Variants in CD109 observed in about 807,000 individuals in gnomAD.
CD109 encodes CD109 antigen.
CD109 carries 149 observed loss-of-function variants against 165.8 expected under a neutral mutation model. The observed-to-expected ratio is 0.90, with a 90% CI of 0.79 to 1.03. The LOEUF is 1.03. CD109 is among the 50% of genes least tolerant of loss of function. The pLI, the probability that CD109 is intolerant of heterozygous loss-of-function variation, is 0.00. For missense variants in CD109, 1,712 were observed against 1,677.8 expected (o/e 1.02, Z -0.36); for synonymous variants, 585 against 592.1 (o/e 0.99, Z 0.18).
chr6:73,741,087 A>G (rs776415868), intron 5 of CD109, among the ~76,000 whole-genome samples: 1 of 151,872 alleles, frequency 6.6e-6, no homozygotes, highest in African/African-American at 2.4e-5. Context: ...TAAGTTCTCA[A>G]TATATACATA....
At chr6:73,812,933 A>G (rs1226040610) in intron 29 of CD109, among the ~76,000 whole-genome samples, 1 of 152,138 alleles carries the variant, frequency 6.6e-6, no homozygotes, top group East Asian at 1.9e-4. Context: ...CGACCAAACA[A>G]AAACACTGAA....
At chr6:73,688,550 G>T in the CD109 span, among the ~76,000 whole-genome samples, 783 of 152,202 alleles carry the variant, frequency 5.1e-3, 8 homozygotes, top group African/African-American at 0.018. Flanking sequence ...CGATGAGAGA[G>T]TCTTTTGTAC....
chr6:73,744,847 G>A (rs1292489448), intron 5 of CD109, among the ~76,000 whole-genome samples: 2 of 152,174 alleles, frequency 1.3e-5, no homozygotes, highest in Non-Finnish European at 2.9e-5. Flanking sequence ...TTAGGATGTT[G>A]TGTTCATCAA....
intron 5 of CD109, among the ~76,000 whole-genome samples, chr6:73,754,444 G>A (rs1321693491): frequency 6.6e-6 from 1 of 152,178 alleles, no homozygotes; most frequent in Non-Finnish European, 1.5e-5. Flanking sequence ...ACGGTCAATG[G>A]AAAGATGGAA....
intron 6 of CD109, 63 bp from the exon 7 acceptor site, chr6:73,758,881 G>T: frequency 1.2e-5 from 10 of 850,542 alleles, no homozygotes; most frequent in Non-Finnish European, 2.0e-5. Flanking sequence ...TTCTTTAAAA[G>T]ATTTACCCTT....
At position 73,807,038 on chromosome 6, in the gene CD109, T is replaced by C; in HGVS notation, c.3155T>C (p.Ile1052Thr). ...AGTCCAGTAACACTTACAGCCTATA[T>C]TGTAACTTCTCTCCTGGGATATAGA... ...NKSPVTLTAY[I>T]VTSLLGYRKY... The change falls in exon 25 of 33, where the codon ATT becomes ACT. Residue 1052 changes from isoleucine (I) to threonine (T), a missense_variant. Coordinates refer to ENST00000287097, the MANE Select transcript of CD109 (RefSeq NM_133493.5). 1 of 1,613,470 alleles carries C rather than the reference T, an allele frequency of 6.2e-7. No homozygotes were observed. Among genetic ancestry groups the C allele is most frequent in the South Asian group, 1.1e-5 (1 of 91,050 alleles).
chr6:73,781,515 C>G (rs1258953119), intron 17 of CD109, among the ~76,000 whole-genome samples, 196 bp downstream of exon 17: 1 of 152,102 alleles, frequency 6.6e-6, no homozygotes, highest in Non-Finnish European at 1.5e-5. Context: ...ATCTGAGCTC[C>G]TGTCTAGATA....
At position 73,785,476 on chromosome 6, in the gene CD109, A is replaced by T. The variant is rs761995046; in HGVS notation, c.2336A>T (p.Glu779Val). The change falls in exon 20 of 33, where the codon GAG (glutamate) becomes GTG (valine). Residue 779 changes from glutamate (E) to valine (V), a missense_variant and splice_region_variant. Transcript: ENST00000287097. Reference protein sequence around the residue: ...TIFNYLKDATEVKVIIEKSDK... With the variant: ...TIFNYLKDATVVKVIIEKSDK... ...TTCAATTATTTGAAAGATGCCACTGAGGTAATGTATTCAAGCTTTTGTTGA... is the reference window on the plus strand; with the variant it reads ...TTCAATTATTTGAAAGATGCCACTGTGGTAATGTATTCAAGCTTTTGTTGA... The T allele has an allele frequency of 1.3e-6, 2 of 1,494,332 alleles. No individual in the cohort carries two copies. The highest frequency in any genetic ancestry group is 1.2e-5 in the South Asian group (1 of 85,996). 92.6% of individuals were successfully genotyped at this position (1,494,332 alleles called of 1,614,324 possible).
intron 20 of CD109, 42 bp from the exon 21 acceptor site, chr6:73,787,192 G>A (rs1774728514): frequency 7.7e-7 from 1 of 1,293,872 alleles, no homozygotes; most frequent in African/African-American, 1.5e-5. Flanking sequence ...TTACTGAAGA[G>A]CATCTATTAT....
At chr6:73,770,733 A>G (rs2045552124) in intron 14 of CD109, among the ~76,000 whole-genome samples, 1 of 152,182 alleles carries the variant, frequency 6.6e-6, no homozygotes, top group Admixed American at 6.5e-5. Flanking sequence ...GGGCAACAAG[A>G]GGGAAACTCC....
Position 73,768,204 on chromosome 6 carries a change from T to C in CD109, c.1647T>C (p.Ile549=), listed in dbSNP as rs763083308. ...DGEIISDVLK[I]PVQLVFKNKI... ...AAATTATAAGTGATGTTCTAAAAATTCCTGTTCAGCTTGTTTTTAAAAATA... is the reference window on the plus strand; with the variant it reads ...AAATTATAAGTGATGTTCTAAAAATCCCTGTTCAGCTTGTTTTTAAAAATA... The change falls in exon 14 of 33, where the codon ATT becomes ATC. Residue 549 remains isoleucine (I), a synonymous_variant. Transcript: ENST00000287097. 31 of 1,585,732 alleles carry C rather than the reference T, an allele frequency of 2.0e-5. No individual in the cohort carries two copies. The Middle Eastern group carries it at 5.2e-4, about 27-fold the overall frequency.
intron 4 of CD109, among the ~76,000 whole-genome samples, chr6:73,732,953 G>T (rs1051631353): frequency 1.3e-5 from 2 of 152,062 alleles, no homozygotes; most frequent in Admixed American, 1.3e-4. Flanking sequence ...ATTCTACCTG[G>T]AACCCAAAGT....
intron 27 of CD109, among the ~76,000 whole-genome samples, 197 bp from the exon 28 acceptor site, chr6:73,810,795 A>G (rs1056515250): frequency 6.6e-6 from 1 of 152,184 alleles, no homozygotes; most frequent in Admixed American, 6.6e-5. Context: ...TCTATACACT[A>G]AAAACTATAA....
chr6:73,820,589 A>G (rs1344176777), intron 32 of CD109, 26 bp downstream of exon 32: 2 of 1,306,280 alleles, frequency 1.5e-6, no homozygotes. Flanking sequence ...AGTTCTTAAT[A>G]CTTTAGAAAT....
intron 23 of CD109, among the ~76,000 whole-genome samples, chr6:73,795,041 G>A (rs1218478189): frequency 2.0e-5 from 3 of 150,754 alleles, no homozygotes; most frequent in African/African-American, 7.4e-5. Flanking sequence ...TAATTAAGGA[G>A]ATAAGTAAAA....
intron 15 of CD109, among the ~76,000 whole-genome samples, chr6:73,776,280 T>C (rs1774238270): frequency 6.6e-6 from 1 of 152,192 alleles, no homozygotes; most frequent in African/African-American, 2.4e-5. Context: ...TGAGACAAAG[T>C]CTCACTCTGT....
intron 15 of CD109, among the ~76,000 whole-genome samples, chr6:73,776,045 T>C (rs2164755): frequency 0.4 from 60,317 of 152,038 alleles, 12,394 homozygotes; most frequent in African/African-American, 0.5. Context: ...ATAATGGGAT[T>C]GCTAGTATTG....
the CD109 span, among the ~76,000 whole-genome samples, chr6:73,688,058 T>A: frequency 6.6e-6 from 1 of 152,224 alleles, no homozygotes; most frequent in Non-Finnish European, 1.5e-5. Context: ...CTTCCCCAGA[T>A]AGTACTTTGC....
intron 2 of CD109, among the ~76,000 whole-genome samples, chr6:73,708,128 CCTAATA>C (rs1438692960): frequency 6.6e-6 from 1 of 151,828 alleles, no homozygotes; most frequent in African/African-American, 2.4e-5. Flanking sequence ...AGGTGTATCT[CCTAATA>C]CTATCCCTTC....
Sources: allele counts gnomAD v4.1 joint callset (sites outside exome capture counted in the v4.1 genomes callset), GRCh38; gene constraint gnomAD v4.1.1; transcripts MANE v1.5; gene names NCBI Gene and HGNC (gene_info 2026-07-23, HGNC 2026-07-21).